The following P4HA1 variants were observed in gnomAD, a reference collection of about 807,000 sequenced individuals.
P4HA1 encodes prolyl 4-hydroxylase subunit alpha 1, also known as prolyl 4-hydroxylase subunit alpha-1.
A neutral mutation model predicts 72.8 loss-of-function variants in P4HA1; 24 were observed. That is an observed-to-expected ratio of 0.33 (90% CI 0.24 to 0.46). The LOEUF (loss-of-function observed/expected upper bound fraction) is 0.46. P4HA1 is among the 20% of genes least tolerant of loss of function. The pLI, the probability that P4HA1 is intolerant of heterozygous loss-of-function variation, is 1.00. For synonymous variants in P4HA1, 201 were observed against 218.8 expected (o/e 0.92, Z 0.72); for missense variants, 446 against 640.6 (o/e 0.70, Z 3.28).
intron 4 of P4HA1, 125 bp downstream of exon 4, chr10:73,071,904 C>G (rs920610788): frequency 1.6e-6 from 1 of 619,704 alleles, no homozygotes; most frequent in African/African-American, 1.8e-5. Flanking sequence ...ACCAAATGCA[C>G]CCAGGCATAA....
intron 5 of P4HA1, among the ~76,000 whole-genome samples, chr10:73,055,074 T>A (rs913850177): frequency 1.3e-5 from 2 of 151,694 alleles, no homozygotes; most frequent in African/African-American, 4.8e-5. Flanking sequence ...AAAAAAAAAA[T>A]TTTTAGAAAT....
In P4HA1 at chr10:73,036,405, C is replaced by CT. The variant is rs1161945404; in HGVS notation, c.1149-6036dup. On this transcript the variant is annotated intron_variant, in intron 9 of 14. Coordinates refer to ENST00000394890, the MANE Select transcript of P4HA1 (RefSeq NM_001017962.3). ...CCCCTCCAAAATATAGTAACACTCC[C>CT]TTTTTTTTTGAGATGGAGTCTGGTT... 1.4e-3 allele frequency among the ~76,000 whole-genome samples: 218 copies of CT among 150,566 alleles called. 2 individuals carry two copies. The highest frequency in any genetic ancestry group is 4.5e-3 in the African/African-American group (184 of 41,070).
At chr10:73,052,899 C>T (rs908819652) in intron 6 of P4HA1, among the ~76,000 whole-genome samples, 7 of 152,176 alleles carry the variant, frequency 4.6e-5, no homozygotes, top group Non-Finnish European at 8.8e-5. Context: ...AGAAACACTA[C>T]ATCTCTGTTC....
chr10:73,043,759 AG>A, intron 9 of P4HA1: 1 of 745,916 alleles, frequency 1.3e-6, no homozygotes, highest in Non-Finnish European at 2.4e-6. Context: ...ACTCCAGCAC[AG>A]ATATTATCAA....
intron 5 of P4HA1, among the ~76,000 whole-genome samples, chr10:73,068,605 C>G (rs1392326711): frequency 6.6e-6 from 1 of 152,074 alleles, no homozygotes; most frequent in African/African-American, 2.4e-5. Context: ...CTAAAATTCC[C>G]TACTTAAGTT....
chr10:73,041,018 C>G (rs1840719986), intron 9 of P4HA1, among the ~76,000 whole-genome samples: 3 of 152,094 alleles, frequency 2.0e-5, no homozygotes, highest in Admixed American at 2.0e-4. Context: ...TAAATCATAT[C>G]TCAAAACATG....
At chr10:73,061,432 A>G (rs185413036) in intron 5 of P4HA1, among the ~76,000 whole-genome samples, 4 of 138,152 alleles carry the variant, frequency 2.9e-5, no homozygotes, top group Admixed American at 2.7e-4. Context: ...AAAGAGAAAG[A>G]AAAAAAAGGA....
intron 9 of P4HA1, among the ~76,000 whole-genome samples, chr10:73,036,978 C>T (rs138308215): frequency 6.6e-6 from 1 of 150,458 alleles, no homozygotes; most frequent in Non-Finnish European, 1.5e-5. Context: ...CTTTCTAGTA[C>T]CCAGTGCTTT....
chr10:73,049,303 T>C (rs868478264), intron 7 of P4HA1, among the ~76,000 whole-genome samples: 1 of 152,174 alleles, frequency 6.6e-6, no homozygotes, highest in Non-Finnish European at 1.5e-5. Flanking sequence ...AAAGCCCAGC[T>C]TGAGTTTACC....
At chr10:73,078,306 A>G (rs775363389) in intron 1 of P4HA1, among the ~76,000 whole-genome samples, 7 of 152,168 alleles carry the variant, frequency 4.6e-5, no homozygotes, top group Admixed American at 1.3e-4. Flanking sequence ...CAAGTGAACA[A>G]TTAACAAGCA....
intron 9 of P4HA1, among the ~76,000 whole-genome samples, chr10:73,035,600 T>C (rs1402052249): frequency 6.6e-6 from 1 of 152,202 alleles, no homozygotes; most frequent in Non-Finnish European, 1.5e-5. Flanking sequence ...GGTTAAATAA[T>C]AGGTTATTTC....
intron 10 of P4HA1, among the ~76,000 whole-genome samples, 179 bp from the exon 11 acceptor site, chr10:73,017,078 C>A (rs374297701): frequency 6.6e-6 from 1 of 151,270 alleles, no homozygotes; most frequent in Non-Finnish European, 1.5e-5. Context: ...CAAAGGACAG[C>A]TACTATATAT....
intron 13 of P4HA1, among the ~76,000 whole-genome samples, 180 bp from the exon 14 acceptor site, chr10:73,010,083 C>T (rs1433946247): frequency 2.0e-5 from 3 of 152,072 alleles, no homozygotes; most frequent in African/African-American, 4.8e-5. Context: ...ATTCTCCTGC[C>T]TCAGCGTCTC....
intron 7 of P4HA1, among the ~76,000 whole-genome samples, chr10:73,050,422 C>T (rs1244714356): frequency 6.6e-6 from 1 of 151,404 alleles, no homozygotes; most frequent in Non-Finnish European, 1.5e-5. Flanking sequence ...GTTTTTTAGG[C>T]TGGGCACAGC....
intron 9 of P4HA1, among the ~76,000 whole-genome samples, chr10:73,032,913 A>G (rs1029079793): frequency 4.6e-5 from 7 of 152,222 alleles, no homozygotes; most frequent in Admixed American, 1.3e-4. Flanking sequence ...GATTTATCCT[A>G]TATTACTAAA....
intron 1 of P4HA1, among the ~76,000 whole-genome samples, chr10:73,086,425 AAGT>A (rs762606018): frequency 1.1e-4 from 16 of 152,280 alleles, no homozygotes; most frequent in Non-Finnish European, 2.1e-4. Flanking sequence ...TAGAAACAAA[AAGT>A]AGATTAGTGG....
chr10:73,073,015 C>T (rs1447734790), intron 3 of P4HA1, among the ~76,000 whole-genome samples: 1 of 151,638 alleles, frequency 6.6e-6, no homozygotes, highest in Non-Finnish European at 1.5e-5. Context: ...ACTAAAAATA[C>T]AAAAATTACC....
At chr10:73,088,863 TC>T (rs1841972319) in intron 1 of P4HA1, among the ~76,000 whole-genome samples, 2 of 152,268 alleles carry the variant, frequency 1.3e-5, no homozygotes, top group South Asian at 4.1e-4. Context: ...GTCTATCTTT[TC>T]TCCAATACCA....
intron 4 of P4HA1, 36 bp from the exon 5 acceptor site, chr10:73,069,019 G>C: frequency 6.6e-7 from 1 of 1,515,546 alleles, no homozygotes; most frequent in Non-Finnish European, 9.1e-7. Context: ...AAAAACTGTA[G>C]AACCTCATAA....
Sources: allele counts gnomAD v4.1 joint callset (sites outside exome capture counted in the v4.1 genomes callset), GRCh38; gene constraint gnomAD v4.1.1; transcripts MANE v1.5; gene names NCBI Gene and HGNC (gene_info 2026-07-23, HGNC 2026-07-21).